DAB2IP: variants seen among roughly 807,000 people sequenced by gnomAD.
The protein encoded by DAB2IP is DAB2 interacting protein.
A neutral mutation model predicts 107.2 loss-of-function variants in DAB2IP; 28 were observed. The ratio of observed to expected loss-of-function variants is 0.26; its 90% CI spans 0.19 to 0.36. The LOEUF (loss-of-function observed/expected upper bound fraction) is 0.36. Among genes scored for constraint, DAB2IP ranks in the 10% least tolerant of loss-of-function variants. The pLI is 1.00. For missense variants in DAB2IP, 1,400 were observed against 1,644.7 expected, an observed-to-expected ratio of 0.85 and a Z score of 2.57; for synonymous variants, 755 against 706.4, an observed-to-expected ratio of 1.07 and a Z score of -1.09.
At position 121,699,815 on chromosome 9, in the gene DAB2IP, TCTGCCGCCAGGACCCATCCCC is replaced by T. The variant is rs1829669879; in HGVS notation, c.362+363_362+383del. Among the ~76,000 whole-genome samples, 1 of 152,184 alleles carries T rather than the reference TCTGCCGCCAGGACCCATCCCC, an allele frequency of 6.6e-6. No individual in the cohort carries two copies. Among genetic ancestry groups the T allele is most frequent in the African/African-American group, 2.4e-5 (1 of 41,458 alleles). On this transcript the variant is annotated intron_variant, in intron 3 of 15. Transcript: ENST00000408936. The surrounding 1 kb of genome is among the most constrained non-coding windows in gnomAD (Gnocchi z 6.2). ...CCGAACCGGGGACGGAAGTGGGGCCTCTGCCGCCAGGACCCATCCCCCTGCCTTGGGAGCCCCTGGGTATCA... is the reference window on the plus strand; with the variant it reads ...CCGAACCGGGGACGGAAGTGGGGCCTCTGCCTTGGGAGCCCCTGGGTATCA...
At chr9:121,708,791 G>A (rs1180072792) in intron 3 of DAB2IP, among the ~76,000 whole-genome samples, 1 of 152,238 alleles carries the variant, frequency 6.6e-6, no homozygotes, top group Non-Finnish European at 1.5e-5. Flanking sequence ...CATTTTAGGA[G>A]TGGATCTTGT....
chr9:121,642,488 C>CTTTT (rs59223844), intron 1 of DAB2IP, among the ~76,000 whole-genome samples: 5 of 131,182 alleles, frequency 3.8e-5, no homozygotes, highest in Admixed American at 7.6e-5. Flanking sequence ...GCTTTTTTTT[C>CTTTT]TTTTTTTTTT....
intron 1 of DAB2IP, among the ~76,000 whole-genome samples, chr9:121,607,827 G>A (rs1830935208): frequency 6.6e-6 from 1 of 152,222 alleles, no homozygotes; most frequent in South Asian, 2.1e-4. Context: ...ACTCTTCTCA[G>A]CATCTTTGGT....
chr9:121,624,310 T>C (rs1019209216), intron 1 of DAB2IP, among the ~76,000 whole-genome samples: 2 of 152,220 alleles, frequency 1.3e-5, no homozygotes, highest in South Asian at 2.1e-4. Flanking sequence ...TCACAGAGGT[T>C]CGTGGCAAGG....
At chr9:121,584,003 C>G (rs1479807975) in intron 1 of DAB2IP, among the ~76,000 whole-genome samples, 1 of 152,016 alleles carries the variant, frequency 6.6e-6, no homozygotes, top group Non-Finnish European at 1.5e-5. Context: ...ATGGTGAAAC[C>G]CTGTCTCTAC....
At chr9:121,751,131 C>T (rs1833085825) in intron 3 of DAB2IP, 1 of 232,410 alleles carries the variant, frequency 4.3e-6, no homozygotes, top group South Asian at 4.6e-5. Flanking sequence ...CTGCTGTGGA[C>T]CTTTCCCTGC....
intron 1 of DAB2IP, among the ~76,000 whole-genome samples, chr9:121,609,738 C>G (rs1311434013): frequency 6.6e-6 from 1 of 152,230 alleles, no homozygotes; most frequent in South Asian, 2.1e-4. Flanking sequence ...AACTTCATGA[C>G]AAGTTCCTGG....
chr9:121,768,547 G>C (rs200519908), exon 10 of DAB2IP: 3 of 1,614,100 alleles, frequency 1.9e-6, no homozygotes, highest in South Asian at 1.1e-5. Context: ...CTCCAATACA[G>C]CCGGCTTCGA....
intron 1 of DAB2IP, among the ~76,000 whole-genome samples, chr9:121,613,545 T>A (rs1347115606): frequency 6.6e-6 from 1 of 152,172 alleles, no homozygotes; most frequent in Non-Finnish European, 1.5e-5. Flanking sequence ...TGATGATGTC[T>A]CCTTCCCCTG....
At chr9:121,608,847 G>A (rs372142975) in intron 1 of DAB2IP, among the ~76,000 whole-genome samples, 6 of 152,234 alleles carry the variant, frequency 3.9e-5, no homozygotes, top group South Asian at 2.1e-4. Context: ...GGAGCACCCC[G>A]TTTTCTGCTG....
At chr9:121,769,939 A>G (rs753394818) in intron 10 of DAB2IP, among the ~76,000 whole-genome samples, 1 of 152,152 alleles carries the variant, frequency 6.6e-6, no homozygotes, top group Non-Finnish European at 1.5e-5. Flanking sequence ...TTGTTTTCTC[A>G]CAGAGACCTC....
intron 1 of DAB2IP, among the ~76,000 whole-genome samples, chr9:121,608,832 TA>T (rs953300772): frequency 2.0e-5 from 3 of 152,252 alleles, no homozygotes; most frequent in South Asian, 2.1e-4. Context: ...TGCATCGTGC[TA>T]GGGGGAGCAC....
intron 3 of DAB2IP, among the ~76,000 whole-genome samples, chr9:121,731,686 G>A (rs1831548533): frequency 6.6e-6 from 1 of 152,196 alleles, no homozygotes; most frequent in Non-Finnish European, 1.5e-5. Context: ...GCTGGGGCTG[G>A]GGCTGGGGCT....
chr9:121,606,625 C>T (rs372658694), intron 1 of DAB2IP, among the ~76,000 whole-genome samples: 2 of 152,088 alleles, frequency 1.3e-5, no homozygotes, highest in African/African-American at 2.4e-5. Context: ...TCCTTATTGA[C>T]GGCTCCCAAT....
In DAB2IP at chr9:121,570,112, T is replaced by C. The variant is rs1489729149; in HGVS notation, c.40+2884T>C. On this transcript the variant is annotated intron_variant, in intron 1 of 16. Transcript: ENST00000259371. ...GTCAGCCCTTTTCTCTTTCTCTTTT[T>C]TTTTTTTTTTTTTTTTTGAGATGGG... is the stretch of plus-strand genomic sequence containing the variant. 1.1e-3 allele frequency among the ~76,000 whole-genome samples: 155 copies of C among 137,448 alleles called. 1 individual carries two copies. The highest frequency in any genetic ancestry group is 4.5e-3 in the African/African-American group (146 of 32,486). 90.2% of individuals were successfully genotyped at this position (137,448 alleles called of 152,430 possible).
intron 1 of DAB2IP, among the ~76,000 whole-genome samples, chr9:121,579,690 G>A (rs1589373681): frequency 6.6e-6 from 1 of 152,258 alleles, no homozygotes; most frequent in East Asian, 1.9e-4. Flanking sequence ...CTTGTCCATC[G>A]ATCTGTCAGT....
chr9:121,766,858 C>G (rs1403750908), intron 9 of DAB2IP, 128 bp downstream of exon 9: 1 of 857,418 alleles, frequency 1.2e-6, no homozygotes, highest in East Asian at 2.5e-5. Context: ...CCCTGTCATC[C>G]TCAGTCCTTC....
intron 2 of DAB2IP, among the ~76,000 whole-genome samples, chr9:121,692,910 T>C (rs1012401396): frequency 2.0e-5 from 3 of 152,154 alleles, no homozygotes; most frequent in African/African-American, 7.2e-5. Flanking sequence ...TCTGAAGGAT[T>C]TGGGCAAAGC....
At chr9:121,639,917 G>C (rs1355303458) in intron 1 of DAB2IP, among the ~76,000 whole-genome samples, 1 of 152,180 alleles carries the variant, frequency 6.6e-6, no homozygotes, top group Admixed American at 6.5e-5. Flanking sequence ...CCCCAGACTG[G>C]CTAACTTAGA....
Sources: gnomAD v4.1 joint callset for allele counts (sites outside exome capture counted in the v4.1 genomes callset) on GRCh38, gnomAD v4.1.1 for gene constraint, Gnocchi (gnomAD v3.1) non-coding constraint, MANE v1.5 for transcripts, NCBI Gene and HGNC (gene_info 2026-07-23, HGNC 2026-07-21) for gene names.